TEAD4: variants seen among roughly 807,000 people sequenced by gnomAD.
TEAD4 encodes the protein TEA domain transcription factor 4.
TEAD4 carries 36 observed loss-of-function variants against 52.4 expected under a neutral mutation model. The ratio of observed to expected loss-of-function variants is 0.69; its 90% CI spans 0.53 to 0.91. TEAD4 has a LOEUF of 0.91. TEAD4 is among the 40% of genes least tolerant of loss of function. The probability of loss-of-function intolerance (pLI) is 0.00; values close to 1 mark genes in which losing one functional copy is unlikely to be tolerated. For missense variants in TEAD4, 508 were observed against 583.9 expected (o/e 0.87, Z 1.34); for synonymous variants, 220 against 231.0 (o/e 0.95, Z 0.43).
chr12:3,000,527 G>A (rs2098250832), intron 3 of TEAD4, among the ~76,000 whole-genome samples: 1 of 152,122 alleles, frequency 6.6e-6, no homozygotes, highest in South Asian at 2.1e-4. Flanking sequence ...TAATCCCTGC[G>A]TGGATTAATC....
At chr12:3,031,393 C>T (rs2098275433) in intron 10 of TEAD4, among the ~76,000 whole-genome samples, 2 of 152,206 alleles carry the variant, frequency 1.3e-5, no homozygotes, top group African/African-American at 4.8e-5. Context: ...CTCATGGGAA[C>T]ACTGCCTTGG....
intron 3 of TEAD4, among the ~76,000 whole-genome samples, chr12:3,002,838 G>A (rs1485111256): frequency 6.6e-6 from 1 of 151,924 alleles, no homozygotes; most frequent in Non-Finnish European, 1.5e-5. Flanking sequence ...GCTTCCTGGA[G>A]CTGTGGCCTT....
intron 10 of TEAD4, among the ~76,000 whole-genome samples, chr12:3,022,441 A>G (rs2098269379): frequency 6.6e-6 from 1 of 152,174 alleles, no homozygotes; most frequent in African/African-American, 2.4e-5. Flanking sequence ...GCTCGCGTCC[A>G]AGGCATGTTG....
intron 2 of TEAD4, among the ~76,000 whole-genome samples, chr12:2,970,288 C>T (rs750562417): frequency 2.0e-5 from 3 of 152,172 alleles, no homozygotes; most frequent in South Asian, 2.1e-4. Context: ...CCACGTGGGG[C>T]GAGTGGTCGT....
chr12:2,989,984 A>T (rs530157662), intron 2 of TEAD4, among the ~76,000 whole-genome samples: 56 of 152,096 alleles, frequency 3.7e-4, no homozygotes, highest in Middle Eastern at 6.8e-3. Context: ...TTTATTTTCT[A>T]TGTTCTCTTT....
intron 3 of TEAD4, among the ~76,000 whole-genome samples, chr12:3,001,337 AT>A (rs1343429343): frequency 1.3e-5 from 2 of 152,182 alleles, no homozygotes. Flanking sequence ...ATCACCATCC[AT>A]TTCCAGAACT....
Position 2,966,755 on chromosome 12 carries a change from G to A in TEAD4, c.-30+6715G>A, listed in dbSNP as rs574743930. Among the ~76,000 whole-genome samples the A allele has an allele frequency of 1.6e-3, 249 of 151,536 alleles. 1 individual carries two copies. Among genetic ancestry groups the A allele is most frequent in the African/African-American group, 5.5e-3 (227 of 41,286 alleles). On this transcript the variant is annotated intron_variant, in intron 2 of 12. Coordinates refer to ENST00000359864, the MANE Select transcript of TEAD4 (RefSeq NM_003213.4). ...GGAGTCTCGCCCTATTGCCTAGGCC[G>A]GAGTACAGTGGTGCGATCTCGGCTC...
rs115472092 is a variant in TEAD4, at chr12:3,025,233, C to T, written c.897+3216C>T. On this transcript the variant is annotated intron_variant, in intron 10 of 12. Coordinates refer to ENST00000359864, the MANE Select transcript of TEAD4 (RefSeq NM_003213.4). ...CTGGGATTACAGGTGTGAGCCACTG[C>T]GCCCGGCCTGAGCATGTTATTCTCT... 7.4e-3 allele frequency among the ~76,000 whole-genome samples: 1,122 copies of T among 152,310 alleles called. 7 individuals are homozygous for T. The highest frequency in any genetic ancestry group is 0.024 in the African/African-American group (980 of 41,576).
intron 3 of TEAD4, among the ~76,000 whole-genome samples, 183 bp downstream of exon 3, chr12:2,995,175 G>A (rs1433863099): frequency 6.6e-6 from 1 of 152,132 alleles, no homozygotes; most frequent in African/African-American, 2.4e-5. Flanking sequence ...GCCTGTGAGG[G>A]GGTGTGGAGG....
intron 10 of TEAD4, among the ~76,000 whole-genome samples, chr12:3,031,727 A>G (rs2098275697): frequency 6.6e-6 from 1 of 152,208 alleles, no homozygotes; most frequent in Non-Finnish European, 1.5e-5. Flanking sequence ...AAGACTGGAT[A>G]ACCTCATCTG....
intron 10 of TEAD4, among the ~76,000 whole-genome samples, chr12:3,022,969 T>C (rs916878923): frequency 1.3e-5 from 2 of 152,200 alleles, no homozygotes; most frequent in Non-Finnish European, 2.9e-5. Flanking sequence ...AAGCTTTACT[T>C]TTCCTAGAAA....
At chr12:2,973,772 C>G (rs568067740) in intron 2 of TEAD4, among the ~76,000 whole-genome samples, 1 of 152,312 alleles carries the variant, frequency 6.6e-6, no homozygotes, top group Admixed American at 6.5e-5. Context: ...TCCAGAAAAA[C>G]AAATGTTCAT....
At chr12:3,019,239 C>G in intron 8 of TEAD4, 69 bp downstream of exon 8, 2 of 1,578,888 alleles carry the variant, frequency 1.3e-6, no homozygotes, top group Non-Finnish European at 1.7e-6. Flanking sequence ...TCCAGGCCCC[C>G]GGCAGCCGAA....
At chr12:3,000,426 A>G (rs56070320) in intron 3 of TEAD4, among the ~76,000 whole-genome samples, 9,999 of 152,212 alleles carry the variant, frequency 0.066, 432 homozygotes, top group Non-Finnish European at 0.1. Context: ...TGGTGCAGGC[A>G]TCCCGTGGCG....
At chr12:3,015,648 T>C (rs548469602) in intron 5 of TEAD4, among the ~76,000 whole-genome samples, 2 of 152,312 alleles carry the variant, frequency 1.3e-5, no homozygotes, top group South Asian at 2.1e-4. Context: ...TCACCGTTGC[T>C]TCTCAACTTC....
chr12:2,960,415 G>A (rs2098214344), intron 2 of TEAD4: 1 of 960,670 alleles, frequency 1.0e-6, no homozygotes. Flanking sequence ...CCCTGCAAAA[G>A]GTCCTACACC....
At chr12:3,029,288 A>T (rs953249355) in intron 10 of TEAD4, among the ~76,000 whole-genome samples, 4 of 130,860 alleles carry the variant, frequency 3.1e-5, no homozygotes, top group Non-Finnish European at 4.7e-5. Context: ...CCCAGGCCGG[A>T]GTGCAGTGGC....
Position 2,994,673 on chromosome 12 carries a change from C to A in TEAD4, c.-29-65C>A. Reference sequence around the variant, plus strand: ...TCGGGCTCTGGCACTCCCCGGAGTGCCTTCATCCCGTGGCCCACGCAGTTC... The same window carrying A: ...TCGGGCTCTGGCACTCCCCGGAGTGACTTCATCCCGTGGCCCACGCAGTTC... On this transcript the variant is annotated intron_variant, in intron 2 of 12. Coordinates refer to ENST00000359864, the MANE Select transcript of TEAD4 (RefSeq NM_003213.4). The surrounding 1 kb of genome is among the most constrained non-coding windows in gnomAD (Gnocchi z 4.7). 6.8e-7 allele frequency: 1 copy of A among 1,479,086 alleles called. No homozygotes were observed. The allele number at this position is 1,479,086 out of a possible 1,614,324, so 91.6% of individuals were successfully genotyped here.
At chr12:2,972,927 G>A (rs964392910) in intron 2 of TEAD4, among the ~76,000 whole-genome samples, 7 of 152,100 alleles carry the variant, frequency 4.6e-5, no homozygotes, top group South Asian at 2.1e-4. Flanking sequence ...TGTTTTCACC[G>A]CCACCATCAA....
Sources: gnomAD v4.1 joint callset for allele counts (sites outside exome capture counted in the v4.1 genomes callset) on GRCh38, gnomAD v4.1.1 for gene constraint, Gnocchi (gnomAD v3.1) non-coding constraint, MANE v1.5 for transcripts, NCBI Gene and HGNC (gene_info 2026-07-23, HGNC 2026-07-21) for gene names.